Variants in SOX5 observed in about 807,000 individuals in gnomAD.
SOX5 encodes the protein SRY-box transcription factor 5.
SOX5 carries 9 observed loss-of-function variants against 92.0 expected under a neutral mutation model. That is an observed-to-expected ratio of 0.10 (90% CI 0.06 to 0.17). The LOEUF (loss-of-function observed/expected upper bound fraction) is 0.17. Among genes scored for constraint, SOX5 ranks in the 10% least tolerant of loss-of-function variants. The probability of loss-of-function intolerance (pLI) is 1.00; values close to 1 mark genes in which losing one functional copy is unlikely to be tolerated. For missense variants in SOX5, 642 were observed against 944.5 expected (o/e 0.68, Z 4.20); for synonymous variants, 344 against 336.3 (o/e 1.02, Z -0.25).
At chr12:23,823,119 A>C (rs1197086397) in intron 3 of SOX5, among the ~76,000 whole-genome samples, 1 of 152,164 alleles carries the variant, frequency 6.6e-6, no homozygotes, top group African/African-American at 2.4e-5. Context: ...ATTTACATTT[A>C]AAGTTAATAT....
rs376945365 is a variant in SOX5, at chr12:24,520,423, T to C, written c.-251+41906A>G. Among the ~76,000 whole-genome samples the C allele has an allele frequency of 1.7e-4, 26 of 151,932 alleles. No individual in the cohort carries two copies. The South Asian group carries it at 5.4e-3, about 32-fold the overall frequency. ...GCTATCAACTTAAAATGGAAGGTTA[T>C]AATGATAAGATATTTTAAGCAATCC... is the stretch of plus-strand genomic sequence containing the variant. On this transcript the variant is annotated intron_variant, in intron 1 of 4. Transcript: ENST00000446891.
At chr12:24,001,073 TAG>T (rs1373536393) in intron 4 of SOX5, among the ~76,000 whole-genome samples, 1 of 152,112 alleles carries the variant, frequency 6.6e-6, no homozygotes. Flanking sequence ...TTTGAAATCA[TAG>T]AGAGTATGAT....
chr12:23,970,841 A>ATATATATATATATATATATATAAAATT lies in SOX5; in HGVS notation c.-1-74818_-1-74817insAATTTTATATATATATATATATATATA. Among the ~76,000 whole-genome samples the ATATATATATATATATATATATAAAATT allele has an allele frequency of 6.9e-4, 15 of 21,876 alleles. 2 individuals carry two copies. The highest frequency in any genetic ancestry group is 1.3e-3 in the Non-Finnish European group (13 of 9,704). 14.4% of individuals were successfully genotyped at this position (21,876 alleles called of 152,430 possible). A position where few individuals can be genotyped will look rare whatever the true frequency, so the allele number is the denominator to read the frequency against. ...ACATGGGACTTTATATATATATATA[A>ATATATATATATATATATATATAAAATT]TTTTTTTTTTTTTTTAAGAAATGGG... On this transcript the variant is annotated intron_variant, in intron 4 of 4. Coordinates refer to the SOX5 transcript ENST00000446891.
At chr12:24,196,660 T>C (rs551810972) in intron 4 of SOX5, among the ~76,000 whole-genome samples, 21 of 152,224 alleles carry the variant, frequency 1.4e-4, no homozygotes, top group Admixed American at 4.6e-4. Flanking sequence ...TCCCAACACA[T>C]TGGGAGGCCA....
At chr12:23,955,716 C>T (rs538941242), upstream of SOX5, among the ~76,000 whole-genome samples, 1 of 151,790 alleles carries the variant, frequency 6.6e-6, no homozygotes, top group South Asian at 2.1e-4. Context: ...CAATCACCCT[C>T]GTGGTAAAAA....
chr12:23,977,245 G>A (rs1356928280), intron 4 of SOX5, among the ~76,000 whole-genome samples: 1 of 152,154 alleles, frequency 6.6e-6, no homozygotes, highest in Non-Finnish European at 1.5e-5. Flanking sequence ...AGGTAGTAAG[G>A]AAACATAATT....
At chr12:24,247,891 T>C (rs1355130492) in intron 3 of SOX5, among the ~76,000 whole-genome samples, 1 of 152,054 alleles carries the variant, frequency 6.6e-6, no homozygotes, top group East Asian at 1.9e-4. Flanking sequence ...TGACCTCAAG[T>C]GATCTGCCTG....
At chr12:24,070,578 T>C (rs1273394385) in intron 4 of SOX5, among the ~76,000 whole-genome samples, 1 of 151,878 alleles carries the variant, frequency 6.6e-6, no homozygotes, top group Non-Finnish European at 1.5e-5. Context: ...TCTTTATTTA[T>C]TGTTTTTTAA....
At chr12:23,560,672 A>G (rs1183303322) in intron 11 of SOX5, among the ~76,000 whole-genome samples, 1 of 152,218 alleles carries the variant, frequency 6.6e-6, no homozygotes, top group Non-Finnish European at 1.5e-5. Context: ...AGTACCTACC[A>G]CCGTCTCTAA....
chr12:23,579,539 T>C (rs1565997088), intron 9 of SOX5, among the ~76,000 whole-genome samples: 1 of 152,158 alleles, frequency 6.6e-6, no homozygotes, highest in East Asian at 1.9e-4. Flanking sequence ...TACACTAGTT[T>C]CCCATTTTCT....
chr12:24,113,210 A>G (rs1298727597), intron 4 of SOX5, among the ~76,000 whole-genome samples: 1 of 149,926 alleles, frequency 6.7e-6, no homozygotes, highest in African/African-American at 2.4e-5. Flanking sequence ...TCTACCCTGG[A>G]AGAGAAATGA....
At chr12:24,336,615 T>C (rs1951933375) in intron 2 of SOX5, among the ~76,000 whole-genome samples, 1 of 152,212 alleles carries the variant, frequency 6.6e-6, no homozygotes, top group Non-Finnish European at 1.5e-5. Flanking sequence ...GAAATTTTCA[T>C]ACAGTGAAAC....
chr12:23,851,870 AT>A (rs1428914983), intron 2 of SOX5, among the ~76,000 whole-genome samples: 2 of 152,080 alleles, frequency 1.3e-5, no homozygotes, highest in African/African-American at 4.8e-5. Context: ...AAGATTATAT[AT>A]TTTAGATGAG....
chr12:24,144,428 T>C (rs925149071), intron 4 of SOX5, among the ~76,000 whole-genome samples: 3 of 152,144 alleles, frequency 2.0e-5, no homozygotes, highest in African/African-American at 7.2e-5. Flanking sequence ...TAAACCTACC[T>C]AAAAGATAAT....
At chr12:23,723,251 A>G (rs912617305) in intron 6 of SOX5, among the ~76,000 whole-genome samples, 2 of 152,066 alleles carry the variant, frequency 1.3e-5, no homozygotes, top group African/African-American at 4.8e-5. Flanking sequence ...AGAAAATCAA[A>G]TAATTGACTT....
intron 1 of SOX5, among the ~76,000 whole-genome samples, chr12:24,373,588 AATTAT>A (rs1956957166): frequency 6.6e-6 from 1 of 152,234 alleles, no homozygotes; most frequent in Non-Finnish European, 1.5e-5. Flanking sequence ...GACAAATCAT[AATTAT>A]ATTACATTTA....
intron 6 of SOX5, among the ~76,000 whole-genome samples, chr12:23,692,523 A>G (rs2089046662): frequency 6.6e-6 from 1 of 152,160 alleles, no homozygotes; most frequent in African/African-American, 2.4e-5. Flanking sequence ...ACTGTATAGT[A>G]CCACATTCTA....
At chr12:23,560,440 TGCA>T in intron 11 of SOX5, among the ~76,000 whole-genome samples, 1 of 152,226 alleles carries the variant, frequency 6.6e-6, no homozygotes, top group Non-Finnish European at 1.5e-5. Flanking sequence ...TAACACTATA[TGCA>T]TAGATATGTG....
intron 6 of SOX5, among the ~76,000 whole-genome samples, chr12:23,729,664 T>A (rs562926010): frequency 1.3e-5 from 2 of 152,256 alleles, no homozygotes; most frequent in African/African-American, 4.8e-5. Flanking sequence ...GAAAAGTTAA[T>A]CAGATGGGGA....
Sources: gnomAD v4.1 joint callset for allele counts (sites outside exome capture counted in the v4.1 genomes callset) on GRCh38, gnomAD v4.1.1 for gene constraint, MANE v1.5 for transcripts, NCBI Gene and HGNC (gene_info 2026-07-23, HGNC 2026-07-21) for gene names.